Variants in EXPH5 observed in about 807,000 individuals in gnomAD.
EXPH5 encodes the protein exophilin-5.
Under a neutral mutation model 41.1 loss-of-function variants are expected in EXPH5, and 42 were observed. That is an observed-to-expected ratio of 1.02 (90% CI 0.80 to 1.32). EXPH5 has a LOEUF of 1.32. EXPH5 is among the 40% of genes most tolerant of loss of function. The pLI, the probability that EXPH5 is intolerant of heterozygous loss-of-function variation, is 0.00. For missense variants in EXPH5, 2,298 were observed against 2,314.5 expected (o/e 0.99, Z 0.15); for synonymous variants, 798 against 833.5 (o/e 0.96, Z 0.73).
chr11:108,539,362 G>A (rs1484163332), intron 2 of EXPH5, among the ~76,000 whole-genome samples, 176 bp from the exon 3 acceptor site: 2 of 152,156 alleles, frequency 1.3e-5, no homozygotes, highest in Non-Finnish European at 2.9e-5. Context: ...TCTCTCCTGC[G>A]CCTCTGATGG....
intron 4 of EXPH5, among the ~76,000 whole-genome samples, chr11:108,525,931 T>G (rs1020076629): frequency 6.6e-6 from 1 of 151,042 alleles, no homozygotes; most frequent in African/African-American, 2.4e-5. Flanking sequence ...TTTTTTTTTT[T>G]TGAGACAGGA....
intron 1 of EXPH5, among the ~76,000 whole-genome samples, chr11:108,587,219 C>T (rs148224733): frequency 6.6e-6 from 1 of 152,188 alleles, no homozygotes; most frequent in Non-Finnish European, 1.5e-5. Context: ...GTGTGCTGCA[C>T]CCATTAACTC....
chr11:108,581,149 G>T (rs1309981142), intron 1 of EXPH5, among the ~76,000 whole-genome samples: 1 of 151,888 alleles, frequency 6.6e-6, no homozygotes, highest in Non-Finnish European at 1.5e-5. Context: ...ACAAAAAATA[G>T]AAAAATTAGC....
intron 1 of EXPH5, among the ~76,000 whole-genome samples, chr11:108,545,225 G>A (rs2093932290): frequency 1.3e-5 from 2 of 152,132 alleles, no homozygotes; most frequent in Non-Finnish European, 2.9e-5. Context: ...ACCAACCTGG[G>A]CAACATGGTG....
At chr11:108,559,787 G>T (rs1163079316) in intron 1 of EXPH5, among the ~76,000 whole-genome samples, 2 of 152,144 alleles carry the variant, frequency 1.3e-5, no homozygotes, top group African/African-American at 2.4e-5. Context: ...AAAGTTAAAG[G>T]AAAGTGATGC....
Position 108,518,433 on chromosome 11 carries a change from C to CA in EXPH5, c.493-61dup. On this transcript the variant is annotated intron_variant, in intron 4 of 5. Transcript: ENST00000265843. ...GAGCCTTCACCAGTCAAAATACTCA[C>CA]ACGCTCCCACCAAACTGTCCCAAGC... is the stretch of plus-strand genomic sequence containing the variant. The CA allele has an allele frequency of 2.0e-6, 3 of 1,499,174 alleles. No homozygotes were observed. In the South Asian group the frequency reaches 3.6e-5, roughly 18 times the overall value. 92.9% of individuals were successfully genotyped at this position (1,499,174 alleles called of 1,614,324 possible). A position where few individuals can be genotyped will look rare whatever the true frequency, so the allele number is the denominator to read the frequency against.
At chr11:108,561,014 C>G (rs958666998) in intron 1 of EXPH5, among the ~76,000 whole-genome samples, 3 of 152,116 alleles carry the variant, frequency 2.0e-5, no homozygotes, top group African/African-American at 7.2e-5. Context: ...AGCTTTGTTA[C>G]ATGATATAAA....
chr11:108,529,161 AC>A (rs1288815881), intron 3 of EXPH5, among the ~76,000 whole-genome samples: 1 of 152,098 alleles, frequency 6.6e-6, no homozygotes, highest in Admixed American at 6.5e-5. Context: ...GAAAAAAACC[AC>A]TACAACAACA....
intron 1 of EXPH5, among the ~76,000 whole-genome samples, chr11:108,563,163 A>G (rs1378215055): frequency 1.3e-5 from 2 of 152,186 alleles, no homozygotes; most frequent in Non-Finnish European, 2.9e-5. Context: ...GTACGACTGG[A>G]AGAGCTTAAT....
chr11:108,567,201 T>G (rs767664), intron 1 of EXPH5, among the ~76,000 whole-genome samples: 60,758 of 151,922 alleles, frequency 0.4, 14,606 homozygotes, highest in African/African-American at 0.69. Context: ...CAAGCCAGAG[T>G]TTACCCACAA....
chr11:108,574,199 G>A (rs531191950), intron 1 of EXPH5, among the ~76,000 whole-genome samples: 1 of 151,798 alleles, frequency 6.6e-6, no homozygotes, highest in Admixed American at 6.6e-5. Context: ...GTGAGCCACC[G>A]CGCCCAACCT....
At position 108,528,126 on chromosome 11, in the gene EXPH5, G is replaced by GT; in HGVS notation, c.492+9_492+10insA. The GT allele has an allele frequency of 6.3e-7, 1 of 1,588,246 alleles. No individual in the cohort carries two copies. Among genetic ancestry groups the GT allele is most frequent in the Non-Finnish European group, 8.6e-7 (1 of 1,156,962 alleles). ...TTCTTAGAGTAACCTGTAGTTATCTGGTTACTTACCACAGCAGCTCCCCTC... is the reference window on the plus strand; with the variant it reads ...TTCTTAGAGTAACCTGTAGTTATCTGTGTTACTTACCACAGCAGCTCCCCTC... On this transcript the variant is annotated intron_variant, in intron 4 of 5. Coordinates refer to ENST00000265843, the MANE Select transcript of EXPH5 (RefSeq NM_015065.3).
chr11:108,570,353 C>T (rs557432145), intron 1 of EXPH5, among the ~76,000 whole-genome samples: 214 of 152,196 alleles, frequency 1.4e-3, no homozygotes, highest in Non-Finnish European at 2.6e-3. Context: ...CTCCTGGGTT[C>T]AAGCAATTCT....
intron 1 of EXPH5, among the ~76,000 whole-genome samples, chr11:108,566,414 A>G (rs1226306450): frequency 6.6e-6 from 1 of 152,198 alleles, no homozygotes; most frequent in African/African-American, 2.4e-5. Flanking sequence ...TTCTGAGTGA[A>G]GGAAGCTTTG....
intron 3 of EXPH5, among the ~76,000 whole-genome samples, chr11:108,535,202 C>G (rs1389504575): frequency 6.6e-6 from 1 of 152,182 alleles, no homozygotes; most frequent in Non-Finnish European, 1.5e-5. Context: ...ATAAGTAAAG[C>G]TCCCTGTGCC....
intron 1 of EXPH5, among the ~76,000 whole-genome samples, chr11:108,590,245 G>A (rs1269240278): frequency 6.6e-6 from 1 of 151,984 alleles, no homozygotes; most frequent in East Asian, 1.9e-4. Flanking sequence ...TTTTAAAGGG[G>A]CAGCATGGTA....
chr11:108,536,176 C>A (rs1043621616), intron 3 of EXPH5, among the ~76,000 whole-genome samples: 3 of 151,978 alleles, frequency 2.0e-5, no homozygotes, highest in Non-Finnish European at 4.4e-5. Context: ...TGGAGCCAAT[C>A]ATTTACAAAT....
Position 108,510,368 on chromosome 11 carries a change from A to G in EXPH5, c.5139T>C (p.His1713=). The change falls in exon 6 of 6, where the codon CAT becomes CAC. Residue 1713 remains histidine (H), a synonymous_variant. Transcript: ENST00000265843. ...CTGCTGTGACGTCTTTAGAATTCTC[A>G]TGCTTTGATGGTGATTCTGAGACGT... The part of the protein sequence containing the change: ...FKNVSESPSK[H]ENSKDVTAAQ... 9 of 1,614,018 alleles carry G rather than the reference A, an allele frequency of 5.6e-6. No homozygotes were observed. The highest frequency in any genetic ancestry group is 7.6e-6 in the Non-Finnish European group (9 of 1,179,934).
chr11:108,571,547 A>G (rs944515808), intron 1 of EXPH5, among the ~76,000 whole-genome samples: 1 of 151,950 alleles, frequency 6.6e-6, no homozygotes, highest in African/African-American at 2.4e-5. Context: ...CCTTAATACC[A>G]CCACTTAGAG....
Sources: allele counts gnomAD v4.1 joint callset (sites outside exome capture counted in the v4.1 genomes callset), GRCh38; gene constraint gnomAD v4.1.1; transcripts MANE v1.5; gene names NCBI Gene and HGNC (gene_info 2026-07-23, HGNC 2026-07-21).